DACH1: variants seen among roughly 807,000 people sequenced by gnomAD.
The protein encoded by DACH1 is dachshund family transcription factor 1, also known as dachshund homolog 1.
DACH1 carries 12 observed loss-of-function variants against 54.2 expected under a neutral mutation model. The observed-to-expected ratio is 0.22, with a 90% confidence interval of 0.14 to 0.36. The LOEUF is 0.36. DACH1 is among the 10% of genes least tolerant of loss of function. DACH1 has a pLI of 1.00. For missense variants in DACH1, 805 were observed against 929.8 expected (o/e 0.87, Z 1.75); for synonymous variants, 386 against 366.2 (o/e 1.05, Z -0.62).
At chr13:71,779,261 ATGTGTATATATACG>A (rs1566495191) in intron 1 of DACH1, among the ~76,000 whole-genome samples, 1 of 67,600 alleles carries the variant, frequency 1.5e-5, no homozygotes, top group Non-Finnish European at 3.0e-5. Context: ...ATACGTATAT[ATGTGTATATATACG>A]TATATACGTA....
At chr13:71,827,930 G>T (rs866223414) in intron 1 of DACH1, among the ~76,000 whole-genome samples, 3 of 152,076 alleles carry the variant, frequency 2.0e-5, no homozygotes, top group Middle Eastern at 3.4e-3. Context: ...CAATAACAAA[G>T]AATAGTGCTA....
chr13:71,579,957 A>G (rs1320363718), intron 3 of DACH1, among the ~76,000 whole-genome samples: 2 of 152,146 alleles, frequency 1.3e-5, no homozygotes, highest in Non-Finnish European at 2.9e-5. Flanking sequence ...ATTTTTGTAT[A>G]AGAAAAAATT....
intron 2 of DACH1, among the ~76,000 whole-genome samples, chr13:71,680,568 C>A (rs1037271716): frequency 2.0e-5 from 3 of 152,124 alleles, no homozygotes; most frequent in Non-Finnish European, 2.9e-5. Flanking sequence ...TGAGCGACTG[C>A]ATTACAGCCC....
At chr13:71,676,861 C>T (rs1212188195) in intron 2 of DACH1, among the ~76,000 whole-genome samples, 1 of 152,004 alleles carries the variant, frequency 6.6e-6, no homozygotes, top group Non-Finnish European at 1.5e-5. Flanking sequence ...TACCTGAATA[C>T]GTATTAGTTA....
intron 1 of DACH1, among the ~76,000 whole-genome samples, chr13:71,779,227 GTATATATACA>G (rs1201521978): frequency 4.0e-5 from 3 of 74,150 alleles, no homozygotes; most frequent in Non-Finnish European, 7.3e-5. Flanking sequence ...ACGTATATAC[GTATATATACA>G]CATATATACG....
intron 1 of DACH1, among the ~76,000 whole-genome samples, chr13:71,847,269 T>C (rs1594296008): frequency 6.6e-6 from 1 of 152,200 alleles, no homozygotes; most frequent in Admixed American, 6.5e-5. Context: ...TGTATTTGCA[T>C]TCCTATTTTA....
At chr13:71,700,032 T>G (rs188671568) in intron 1 of DACH1, among the ~76,000 whole-genome samples, 53 of 152,342 alleles carry the variant, frequency 3.5e-4, no homozygotes, top group Non-Finnish European at 1.5e-5. Context: ...CTAGTCACTA[T>G]TTGCTTGACC....
intron 2 of DACH1, among the ~76,000 whole-genome samples, chr13:71,636,246 A>G (rs1387977837): frequency 6.6e-6 from 1 of 152,204 alleles, no homozygotes; most frequent in Admixed American, 6.5e-5. Flanking sequence ...AACACATTGC[A>G]TAAAAGTATC....
chr13:71,654,462 A>AATAAC (rs1878941553), intron 2 of DACH1, among the ~76,000 whole-genome samples: 1 of 76,974 alleles, frequency 1.3e-5, no homozygotes, highest in Non-Finnish European at 2.3e-5. Context: ...AATAAAGTAA[A>AATAAC]ATAAAATAAA....
intron 1 of DACH1, among the ~76,000 whole-genome samples, chr13:71,795,986 C>A (rs1344442839): frequency 2.0e-5 from 3 of 152,114 alleles, no homozygotes; most frequent in Admixed American, 6.5e-5. Flanking sequence ...GAGACATGAA[C>A]ATTCCAAGCA....
At chr13:71,815,807 C>T (rs1248289424) in intron 1 of DACH1, among the ~76,000 whole-genome samples, 1 of 152,086 alleles carries the variant, frequency 6.6e-6, no homozygotes, top group Non-Finnish European at 1.5e-5. Context: ...GCTCAGAGGC[C>T]GGGCGCGGTG....
chr13:71,732,340 T>A lies in DACH1; in HGVS notation c.849-50430A>T, dbSNP rs145246015. ...TGGCTCACACCTGTAATCCCAGCAC[T>A]TTGGGAGGCCGAGGCGGATGAATCT... On this transcript the variant is annotated intron_variant, in intron 1 of 10. Coordinates refer to ENST00000613252, the MANE Select transcript of DACH1 (RefSeq NM_080759.6). Among the ~76,000 whole-genome samples the A allele has an allele frequency of 6.9e-3, 1,056 of 152,078 alleles. 7 individuals carry two copies. Among genetic ancestry groups the A allele is most frequent in the Middle Eastern group, 0.048 (14 of 294 alleles).
chr13:71,548,583 G>A (rs938620893), intron 6 of DACH1, among the ~76,000 whole-genome samples: 3 of 152,084 alleles, frequency 2.0e-5, no homozygotes, highest in Non-Finnish European at 4.4e-5. Context: ...AACATCTTCA[G>A]CTCCACTAAA....
At chr13:71,470,313 CTTT>C (rs67360461) in intron 10 of DACH1, among the ~76,000 whole-genome samples, 5 of 139,402 alleles carry the variant, frequency 3.6e-5, no homozygotes, top group African/African-American at 2.6e-5. Flanking sequence ...TCTGTTTTTT[CTTT>C]TTTTTTTTTT....
At chr13:71,496,261 G>GTATATATATATATATA (rs35142229) in intron 6 of DACH1, among the ~76,000 whole-genome samples, 4 of 37,144 alleles carry the variant, frequency 1.1e-4, no homozygotes, top group Non-Finnish European at 1.8e-4. Context: ...AAATTGCTAT[G>GTATATATATATATATA]TATATATATA....
chr13:71,644,343 T>G (rs944260459), intron 2 of DACH1, among the ~76,000 whole-genome samples: 8 of 152,150 alleles, frequency 5.3e-5, no homozygotes, highest in Non-Finnish European at 1.2e-4. Flanking sequence ...CAAAAATGAA[T>G]GGTCTATGTG....
chr13:71,740,764 G>A lies in DACH1; in HGVS notation c.849-58854C>T, dbSNP rs535354257. ...TATTATTTTAAGTGAAAAGTTACAA[G>A]AATCACTTTATTTTGAACATGTTAT... On this transcript the variant is annotated intron_variant, in intron 1 of 10. Transcript: ENST00000613252. Among the ~76,000 whole-genome samples, 126 of 152,182 alleles carry A rather than the reference G, an allele frequency of 8.3e-4. 2 individuals carry two copies. The South Asian group carries it at 0.025, about 30-fold the overall frequency.
At chr13:71,729,585 G>T (rs919955967) in intron 1 of DACH1, among the ~76,000 whole-genome samples, 5 of 152,012 alleles carry the variant, frequency 3.3e-5, no homozygotes, top group Admixed American at 3.3e-4. Context: ...CCTTAATACT[G>T]TTAAATGTTA....
intron 1 of DACH1, among the ~76,000 whole-genome samples, chr13:71,761,400 T>C (rs1365979356): frequency 1.3e-5 from 2 of 152,192 alleles, no homozygotes; most frequent in Non-Finnish European, 2.9e-5. Context: ...CAAAATTTCC[T>C]ATAGGTAGAT....
Sources: allele counts gnomAD v4.1 joint callset (sites outside exome capture counted in the v4.1 genomes callset), GRCh38; gene constraint gnomAD v4.1.1; transcripts MANE v1.5; gene names NCBI Gene and HGNC (gene_info 2026-07-23, HGNC 2026-07-21).